Variants in ST6GALNAC3 observed in about 807,000 individuals in gnomAD.
The protein encoded by ST6GALNAC3 is alpha-N-acetylgalactosaminide alpha-2,6-sialyltransferase 3.
In ST6GALNAC3, 25 loss-of-function variants were observed where a neutral mutation model predicts 32.7. The ratio of observed to expected loss-of-function variants is 0.76; its 90% CI spans 0.56 to 1.07. The LOEUF (loss-of-function observed/expected upper bound fraction) is 1.07. Among genes scored for constraint, ST6GALNAC3 ranks in the 50% least tolerant of loss-of-function variants. The pLI is 0.00. For missense variants in ST6GALNAC3, 355 were observed against 382.4 expected (o/e 0.93, Z 0.60); for synonymous variants, 129 against 133.1 (o/e 0.97, Z 0.21).
chr1:76,583,778 G>A (rs767593624), intron 3 of ST6GALNAC3, among the ~76,000 whole-genome samples: 7 of 152,116 alleles, frequency 4.6e-5, no homozygotes, highest in Admixed American at 1.3e-4. Flanking sequence ...CATATTCTAG[G>A]TAAATTTTGA....
intron 2 of ST6GALNAC3, chr1:76,353,828 CA>C (rs1649207979): frequency 6.5e-6 from 1 of 153,090 alleles, no homozygotes; most frequent in African/African-American, 2.4e-5. Context: ...CACAAAGACA[CA>C]AAGACAGTGG....
chr1:76,453,467 T>G (rs753734715), intron 3 of ST6GALNAC3, among the ~76,000 whole-genome samples: 1 of 152,134 alleles, frequency 6.6e-6, no homozygotes, highest in East Asian at 1.9e-4. Context: ...GAGGTTTTGA[T>G]AGGTTTTGGC....
intron 1 of ST6GALNAC3, among the ~76,000 whole-genome samples, chr1:76,138,715 T>C (rs1166663556): frequency 6.6e-6 from 1 of 152,222 alleles, no homozygotes; most frequent in African/African-American, 2.4e-5. Flanking sequence ...CTATTTGTTC[T>C]TTAGAACTTC....
chr1:76,550,261 A>C (rs1664543315), intron 3 of ST6GALNAC3, among the ~76,000 whole-genome samples: 1 of 152,204 alleles, frequency 6.6e-6, no homozygotes, highest in South Asian at 2.1e-4. Context: ...AAAATTCTAA[A>C]GATTCTACCA....
chr1:76,441,088 CAAAAAAAAA>C (rs397980569), intron 3 of ST6GALNAC3, among the ~76,000 whole-genome samples: 6,999 of 90,376 alleles, frequency 0.077, 589 homozygotes, highest in African/African-American at 0.24. Context: ...ACTATGTCTC[CAAAAAAAAA>C]AAAAAAAAAA....
chr1:76,405,372 A>C lies in ST6GALNAC3; in HGVS notation c.214-6636A>C, dbSNP rs141822376. On this transcript the variant is annotated intron_variant, in intron 2 of 4. Transcript: ENST00000328299. ...TATTCTATTGTCTATAAGCTTATTC[A>C]GAGAGAAAAAAGTAAAGGTTAAATA... Among the ~76,000 whole-genome samples, 5 of 152,234 alleles carry C rather than the reference A, an allele frequency of 3.3e-5. No individual in the cohort carries two copies. The East Asian group carries it at 9.6e-4, about 29-fold the overall frequency.
At chr1:76,148,321 A>C (rs1650821147) in intron 1 of ST6GALNAC3, among the ~76,000 whole-genome samples, 1 of 152,210 alleles carries the variant, frequency 6.6e-6, no homozygotes, top group African/African-American at 2.4e-5. Context: ...AAAAATTTCA[A>C]CTGCTCATCC....
chr1:76,388,099 A>G (rs551017517), intron 2 of ST6GALNAC3, among the ~76,000 whole-genome samples: 1 of 152,094 alleles, frequency 6.6e-6, no homozygotes, highest in South Asian at 2.1e-4. Context: ...TTAATCCACT[A>G]TATTTCAAAC....
intron 3 of ST6GALNAC3, among the ~76,000 whole-genome samples, chr1:76,468,241 A>T (rs956113832): frequency 2.0e-5 from 3 of 151,984 alleles, no homozygotes; most frequent in Non-Finnish European, 2.9e-5. Context: ...AGCAGCAGAC[A>T]GAAAACAGAA....
chr1:76,354,777 T>C (rs909303359), intron 2 of ST6GALNAC3, among the ~76,000 whole-genome samples: 11 of 152,218 alleles, frequency 7.2e-5, no homozygotes, highest in Non-Finnish European at 1.5e-4. Flanking sequence ...ATGTATTCAG[T>C]ATTGACAATT....
chr1:76,227,874 G>C (rs1656163596), intron 1 of ST6GALNAC3, among the ~76,000 whole-genome samples: 1 of 152,172 alleles, frequency 6.6e-6, no homozygotes, highest in African/African-American at 2.4e-5. Context: ...AGCTGTGACT[G>C]TATGGAAAGC....
At chr1:76,421,002 G>A (rs1345678857) in intron 3 of ST6GALNAC3, among the ~76,000 whole-genome samples, 2 of 151,876 alleles carry the variant, frequency 1.3e-5, no homozygotes, top group Admixed American at 1.3e-4. Context: ...AACTATTTGA[G>A]GGAATACCAG....
chr1:76,465,262 A>AG (rs1658550193), intron 3 of ST6GALNAC3, among the ~76,000 whole-genome samples: 1 of 152,158 alleles, frequency 6.6e-6, no homozygotes, highest in African/African-American at 2.4e-5. Context: ...GTGTCCTTGG[A>AG]GAACAAAATG....
At chr1:76,139,295 T>C (rs1442701488) in intron 1 of ST6GALNAC3, among the ~76,000 whole-genome samples, 1 of 151,924 alleles carries the variant, frequency 6.6e-6, no homozygotes, top group Admixed American at 6.6e-5. Flanking sequence ...GATTCACACA[T>C]ACATTCACAA....
intron 1 of ST6GALNAC3, among the ~76,000 whole-genome samples, chr1:76,089,066 T>C (rs1647003928): frequency 1.3e-5 from 2 of 152,152 alleles, no homozygotes; most frequent in African/African-American, 4.8e-5. Context: ...TCTCGCTCTG[T>C]CACCCAGGCT....
chr1:76,324,702 G>GA (rs371440429), intron 2 of ST6GALNAC3, among the ~76,000 whole-genome samples: 279 of 151,878 alleles, frequency 1.8e-3, no homozygotes, highest in African/African-American at 6.4e-3. Flanking sequence ...CTCCTGAACA[G>GA]AAAAAAAGAC....
chr1:76,496,005 G>A (rs1302903248), intron 3 of ST6GALNAC3, among the ~76,000 whole-genome samples: 1 of 152,086 alleles, frequency 6.6e-6, no homozygotes, highest in African/African-American at 2.4e-5. Flanking sequence ...TTGAAACTTA[G>A]CATGTTAGCC....
At chr1:76,110,633 A>G (rs982111583) in intron 1 of ST6GALNAC3, among the ~76,000 whole-genome samples, 21 of 152,224 alleles carry the variant, frequency 1.4e-4, no homozygotes, top group African/African-American at 5.1e-4. Context: ...GATAAAGTTG[A>G]GTGCTAAAGG....
At chr1:76,309,252 C>T (rs1646707563) in intron 1 of ST6GALNAC3, among the ~76,000 whole-genome samples, 4 of 152,124 alleles carry the variant, frequency 2.6e-5, no homozygotes, top group African/African-American at 7.2e-5. Context: ...CATGGTGTGT[C>T]TTTTATGGTT....
Sources: allele counts gnomAD v4.1 joint callset (sites outside exome capture counted in the v4.1 genomes callset), GRCh38; gene constraint gnomAD v4.1.1; transcripts MANE v1.5; gene names NCBI Gene and HGNC (gene_info 2026-07-23, HGNC 2026-07-21).